SERPINE3: variants seen among roughly 807,000 people sequenced by gnomAD.
The protein encoded by SERPINE3 is serpin E3.
SERPINE3 carries 43 observed loss-of-function variants against 41.7 expected under a neutral mutation model. The observed-to-expected ratio is 1.03, with a 90% CI of 0.81 to 1.33. The LOEUF (loss-of-function observed/expected upper bound fraction) is 1.33, where lower values mean the gene tolerates loss of function less well. Ranked by LOEUF, SERPINE3 falls within the 40% of genes most tolerant of loss-of-function variation. SERPINE3 has a pLI of 0.00. For missense variants in SERPINE3, 440 were observed against 491.7 expected, an observed-to-expected ratio of 0.89 and a Z score of 0.99; for synonymous variants, 200 against 192.2, an observed-to-expected ratio of 1.04 and a Z score of -0.34.
intron 7 of SERPINE3, among the ~76,000 whole-genome samples, chr13:51,356,461 G>A (rs1955483330): frequency 6.6e-6 from 1 of 152,166 alleles, no homozygotes; most frequent in South Asian, 2.1e-4. Flanking sequence ...CTCAGCCATG[G>A]CATCCCTGTT....
chr13:51,354,578 A>G (rs1346199970), intron 6 of SERPINE3, among the ~76,000 whole-genome samples: 3 of 151,052 alleles, frequency 2.0e-5, no homozygotes, highest in Non-Finnish European at 2.9e-5. Context: ...CAACATAGGG[A>G]GACCCCATCT....
chr13:51,347,365 C>T, intron 5 of SERPINE3, 131 bp downstream of exon 5: 1 of 761,082 alleles, frequency 1.3e-6, no homozygotes, highest in Non-Finnish European at 2.2e-6. Flanking sequence ...CTGGACTGGG[C>T]ATGCATGGCG....
intron 6 of SERPINE3, among the ~76,000 whole-genome samples, chr13:51,351,688 A>G (rs947015526): frequency 5.9e-5 from 9 of 152,106 alleles, no homozygotes. Context: ...TCGATGCCAT[A>G]TTATATTGAA....
chr13:51,340,431 T>C, intron 1 of SERPINE3, among the ~76,000 whole-genome samples: 1 of 152,164 alleles, frequency 6.6e-6, no homozygotes, highest in East Asian at 1.9e-4. Context: ...GTACAATTAG[T>C]TCATGTATCA....
chr13:51,354,838 A>G (rs1293689486), intron 6 of SERPINE3, among the ~76,000 whole-genome samples: 2 of 152,236 alleles, frequency 1.3e-5, no homozygotes, highest in Non-Finnish European at 2.9e-5. Context: ...TAGAATGAAC[A>G]GCAGGAACAA....
chr13:51,343,892 G>C (rs1955318426), intron 3 of SERPINE3, among the ~76,000 whole-genome samples: 1 of 152,198 alleles, frequency 6.6e-6, no homozygotes, highest in Admixed American at 6.5e-5. Context: ...TGGACCTGCT[G>C]TTTTCCCAGC....
At chr13:51,357,396 C>T (rs1201530117) in intron 7 of SERPINE3, among the ~76,000 whole-genome samples, 1 of 152,092 alleles carries the variant, frequency 6.6e-6, no homozygotes, top group African/African-American at 2.4e-5. Flanking sequence ...AGAGACCTTG[C>T]CAGAGAGTAA....
At chr13:51,344,533 G>A in intron 4 of SERPINE3, 48 bp downstream of exon 4, 1 of 1,433,984 alleles carries the variant, frequency 7.0e-7, no homozygotes, top group Middle Eastern at 1.7e-4. Context: ...GAGGGCTGCA[G>A]AGACAGAGTC....
intron 2 of SERPINE3, 104 bp downstream of exon 2, chr13:51,340,965 C>T (rs767684024): frequency 1.0e-5 from 11 of 1,068,774 alleles, no homozygotes; most frequent in African/African-American, 4.7e-5. Flanking sequence ...CTCCCTCAGC[C>T]GTCCCTAGCC....
intron 4 of SERPINE3, among the ~76,000 whole-genome samples, chr13:51,344,855 T>C (rs1250447809): frequency 1.3e-5 from 2 of 152,152 alleles, no homozygotes; most frequent in South Asian, 2.1e-4. Context: ...CCACCTGTGA[T>C]GGCAAAGTGC....
In SERPINE3 at chr13:51,356,548, T is replaced by A. The variant is rs191279581; in HGVS notation, c.1000+1405T>A. On this transcript the variant is annotated intron_variant, in intron 7 of 9. Coordinates refer to ENST00000681248, the MANE Select transcript of SERPINE3 (RefSeq NM_001386375.1). ...CGCTGTATTTTCTTCTACATCACTGTATTCCGTGAATCACTAGGGCTTACT... is the reference window on the plus strand; with the variant it reads ...CGCTGTATTTTCTTCTACATCACTGAATTCCGTGAATCACTAGGGCTTACT... Among the ~76,000 whole-genome samples, 132 of 152,282 alleles carry A rather than the reference T, an allele frequency of 8.7e-4. 1 individual carries two copies. The highest frequency in any genetic ancestry group is 1.6e-3 in the Non-Finnish European group (106 of 68,014).
intron 9 of SERPINE3, chr13:51,362,634 A>T (rs1445275560): frequency 6.6e-6 from 1 of 152,430 alleles, no homozygotes; most frequent in Non-Finnish European, 1.5e-5. Flanking sequence ...ATAGAACAAG[A>T]CTAATAAAAT....
At chr13:51,353,455 G>A (rs909233011) in intron 6 of SERPINE3, among the ~76,000 whole-genome samples, 1 of 152,184 alleles carries the variant, frequency 6.6e-6, no homozygotes, top group African/African-American at 2.4e-5. Context: ...CTGTGACAAA[G>A]AGAAGCAAAG....
At chr13:51,353,338 A>G (rs1268308648) in intron 6 of SERPINE3, among the ~76,000 whole-genome samples, 1 of 152,248 alleles carries the variant, frequency 6.6e-6, no homozygotes, top group Non-Finnish European at 1.5e-5. Flanking sequence ...CAATAAGTGC[A>G]TGGGCTGTGC....
chr13:51,361,570 CTGAAAGTT>C (rs1309040528), intron 8 of SERPINE3: 3 of 585,194 alleles, frequency 5.1e-6, no homozygotes, highest in Non-Finnish European at 9.0e-6. Flanking sequence ...AAAAATAATT[CTGAAAGTT>C]ACCTTCAATA....
chr13:51,354,079 T>C (rs1168064762), intron 6 of SERPINE3: 1 of 152,184 alleles, frequency 6.6e-6, no homozygotes, highest in African/African-American at 2.4e-5. Context: ...ACAGCAAATA[T>C]GAAAATATAT....
chr13:51,356,108 C>T (rs1002453244), intron 7 of SERPINE3, among the ~76,000 whole-genome samples: 1 of 152,126 alleles, frequency 6.6e-6, no homozygotes, highest in Non-Finnish European at 1.5e-5. Flanking sequence ...TCAAATAAAA[C>T]ACAGGAGTGA....
intron 6 of SERPINE3, chr13:51,354,320 A>G (rs772827503): frequency 5.3e-5 from 8 of 152,178 alleles, no homozygotes; most frequent in Non-Finnish European, 1.0e-4. Context: ...AAACTCTTTA[A>G]GTCTTGATTT....
chr13:51,341,963 A>G (rs1340057823), intron 3 of SERPINE3, among the ~76,000 whole-genome samples: 3 of 152,136 alleles, frequency 2.0e-5, no homozygotes, highest in African/African-American at 4.8e-5. Flanking sequence ...CAGATCTGCC[A>G]GCTTATTTCT....
Sources: allele counts gnomAD v4.1 joint callset (sites outside exome capture counted in the v4.1 genomes callset), GRCh38; gene constraint gnomAD v4.1.1; transcripts MANE v1.5; gene names NCBI Gene and HGNC (gene_info 2026-07-23, HGNC 2026-07-21).